Variants in CCDC171 observed in about 807,000 individuals in gnomAD.
CCDC171 encodes the protein coiled-coil domain-containing protein 171.
Under a neutral mutation model 168.2 loss-of-function variants are expected in CCDC171, and 177 were observed. The observed-to-expected ratio is 1.05, with a 90% CI of 0.93 to 1.19. The LOEUF is 1.19. CCDC171 is among the 50% of genes most tolerant of loss of function. The pLI is 0.00. For synonymous variants in CCDC171, 687 were observed against 540.8 expected (o/e 1.27, Z -3.75); for missense variants, 1,991 against 1,539.0 (o/e 1.29, Z -4.91).
chr9:15,798,771 A>G (rs1347320665), intron 21 of CCDC171, among the ~76,000 whole-genome samples: 1 of 152,158 alleles, frequency 6.6e-6, no homozygotes, highest in African/African-American at 2.4e-5. Context: ...AATGCCCGAA[A>G]TATTGACTGT....
At chr9:15,557,423 G>C (rs566171699) in intron 1 of CCDC171, among the ~76,000 whole-genome samples, 1 of 152,184 alleles carries the variant, frequency 6.6e-6, no homozygotes, top group South Asian at 2.1e-4. Flanking sequence ...TTGTTGAGCA[G>C]TGGTTTGTAG....
the CCDC171 span, among the ~76,000 whole-genome samples, chr9:16,072,527 C>T: frequency 1.3e-5 from 2 of 152,328 alleles, no homozygotes; most frequent in African/African-American, 4.8e-5. Flanking sequence ...ACAAGAGTCA[C>T]TCCATAGCTC....
At chr9:15,896,393 A>G (rs1391538242) in intron 24 of CCDC171, among the ~76,000 whole-genome samples, 6 of 152,082 alleles carry the variant, frequency 3.9e-5, no homozygotes, top group African/African-American at 1.4e-4. Flanking sequence ...CTCATACCTG[A>G]AGAGCTATTA....
chr9:15,839,168 T>C (rs1588777143), intron 21 of CCDC171, among the ~76,000 whole-genome samples: 1 of 152,308 alleles, frequency 6.6e-6, no homozygotes, highest in East Asian at 1.9e-4. Context: ...ACACAAGGGA[T>C]CTTGAGTTGT....
the CCDC171 span, among the ~76,000 whole-genome samples, chr9:16,103,662 C>T: frequency 1.3e-5 from 2 of 152,086 alleles, no homozygotes; most frequent in Admixed American, 6.6e-5. Context: ...GCGCTGCTGC[C>T]GGGATGTGAG....
exon 4 of CCDC171, chr9:16,020,731 A>C (rs1179852320): frequency 6.5e-6 from 1 of 154,402 alleles, no homozygotes; most frequent in East Asian, 1.9e-4. Flanking sequence ...GGACGAAGGG[A>C]GGATTCAGGT....
At chr9:15,588,358 C>A in intron 4 of CCDC171, 2 of 244,386 alleles carry the variant, frequency 8.2e-6, no homozygotes, top group South Asian at 5.4e-5. Flanking sequence ...TACCACCATG[C>A]CCAAGAGAAA....
At chr9:15,756,857 A>C (rs1206429335) in intron 18 of CCDC171, among the ~76,000 whole-genome samples, 4 of 152,144 alleles carry the variant, frequency 2.6e-5, no homozygotes, top group Admixed American at 2.0e-4. Flanking sequence ...ATAAGGGGAA[A>C]CACATTCTGC....
chr9:15,643,564 A>T (rs1180440400), intron 7 of CCDC171, among the ~76,000 whole-genome samples: 1 of 152,152 alleles, frequency 6.6e-6, no homozygotes. Context: ...TTTTCAATTG[A>T]GATATACTTC....
At chr9:15,576,120 T>TAA (rs2040638952) in intron 3 of CCDC171, among the ~76,000 whole-genome samples, 1 of 137,050 alleles carries the variant, frequency 7.3e-6, no homozygotes, top group African/African-American at 2.8e-5. Context: ...GCTACATATA[T>TAA]ATCATATTTC....
At position 15,777,672 on chromosome 9, in the gene CCDC171, A is replaced by G; in HGVS notation, c.2744A>G (p.Lys915Arg). The G allele has an allele frequency of 6.2e-7, 1 of 1,614,090 alleles. No homozygotes were observed. Among genetic ancestry groups the G allele is most frequent in the Non-Finnish European group, 8.5e-7 (1 of 1,180,000 alleles). ...AKNSFAKLMD[K>R]ISLVMECIPL... Reference sequence around the variant, plus strand: ...AATTCTTTTGCAAAACTCATGGATAAAATTAGTCTGGTAATGGAATGTATA... The same window carrying G: ...AATTCTTTTGCAAAACTCATGGATAGAATTAGTCTGGTAATGGAATGTATA... Residue 915 changes from lysine (K) to arginine (R), a missense_variant, in exon 19 of 26, where the codon AAA (lysine) becomes AGA (arginine). Coordinates refer to ENST00000380701, the MANE Select transcript of CCDC171 (RefSeq NM_173550.4).
intron 21 of CCDC171, among the ~76,000 whole-genome samples, chr9:15,803,325 CT>C (rs2058917441): frequency 6.6e-6 from 1 of 151,142 alleles, no homozygotes; most frequent in African/African-American, 2.4e-5. Flanking sequence ...GTCATGAAAT[CT>C]TTGCCCATGC....
chr9:15,741,906 G>C (rs913238133), intron 16 of CCDC171, among the ~76,000 whole-genome samples: 1 of 152,020 alleles, frequency 6.6e-6, no homozygotes, highest in African/African-American at 2.4e-5. Flanking sequence ...CTGACTTTAG[G>C]ATACAGTGTC....
chr9:15,803,836 A>C (rs550260965), intron 21 of CCDC171, among the ~76,000 whole-genome samples: 1 of 152,252 alleles, frequency 6.6e-6, no homozygotes, highest in Non-Finnish European at 1.5e-5. Context: ...AATAGCATCG[A>C]ATCTATAAAT....
At chr9:15,754,569 A>G (rs1000486091) in intron 18 of CCDC171, among the ~76,000 whole-genome samples, 1 of 152,136 alleles carries the variant, frequency 6.6e-6, no homozygotes, top group Non-Finnish European at 1.5e-5. Flanking sequence ...GCTACTAATT[A>G]TTAATCTTCT....
chr9:15,799,099 T>G (rs941771751), intron 21 of CCDC171, among the ~76,000 whole-genome samples: 1 of 140,902 alleles, frequency 7.1e-6, no homozygotes, highest in African/African-American at 2.6e-5. Flanking sequence ...TTAAAGAAAT[T>G]TTAAAAATAA....
intron 7 of CCDC171, among the ~76,000 whole-genome samples, chr9:15,626,400 A>G (rs933562674): frequency 1.3e-5 from 2 of 152,180 alleles, no homozygotes; most frequent in Non-Finnish European, 2.9e-5. Context: ...CCAGTTTTCA[A>G]AGGGAATGCT....
intron 24 of CCDC171, among the ~76,000 whole-genome samples, chr9:15,881,578 T>C (rs1201948309): frequency 2.6e-5 from 4 of 152,200 alleles, no homozygotes; most frequent in African/African-American, 9.6e-5. Context: ...ATTATTTCTA[T>C]CACACCATAT....
intron 25 of CCDC171, among the ~76,000 whole-genome samples, chr9:15,922,658 A>G (rs1233070412): frequency 6.6e-6 from 1 of 151,592 alleles, no homozygotes; most frequent in Admixed American, 6.6e-5. Flanking sequence ...ACTGTTTTCC[A>G]TGACTGTACT....
Sources: gnomAD v4.1 joint callset for allele counts (sites outside exome capture counted in the v4.1 genomes callset) on GRCh38, gnomAD v4.1.1 for gene constraint, MANE v1.5 for transcripts, NCBI Gene and HGNC (gene_info 2026-07-23, HGNC 2026-07-21) for gene names.